The following KHDRBS2 variants were observed in gnomAD, a reference collection of about 807,000 sequenced individuals.
KHDRBS2 encodes the protein KH RNA binding domain containing, signal transduction associated 2.
Under a neutral mutation model 44.3 loss-of-function variants are expected in KHDRBS2, and 26 were observed. The ratio of observed to expected loss-of-function variants is 0.59; its 90% CI spans 0.43 to 0.81. The LOEUF (loss-of-function observed/expected upper bound fraction) is 0.81. KHDRBS2 is among the 40% of genes least tolerant of loss of function. The pLI is 0.00. For missense variants in KHDRBS2, 476 were observed against 433.1 expected, an observed-to-expected ratio of 1.10 and a Z score of -0.88; for synonymous variants, 194 against 151.1, an observed-to-expected ratio of 1.28 and a Z score of -2.08.
intron 6 of KHDRBS2, among the ~76,000 whole-genome samples, chr6:61,786,046 TAC>T (rs138367517): frequency 6.6e-6 from 1 of 151,444 alleles, no homozygotes; most frequent in Non-Finnish European, 1.5e-5. Context: ...TTCTCGTTCA[TAC>T]ACACACACAC....
chr6:62,010,277 T>C (rs1274929400), intron 3 of KHDRBS2, among the ~76,000 whole-genome samples: 4 of 152,178 alleles, frequency 2.6e-5, no homozygotes, highest in Non-Finnish European at 5.9e-5. Flanking sequence ...GTAGCACCTT[T>C]GTTTTGGCCA....
At chr6:61,895,541 A>G (rs1802787975) in intron 5 of KHDRBS2, among the ~76,000 whole-genome samples, 1 of 152,314 alleles carries the variant, frequency 6.6e-6, no homozygotes, top group African/African-American at 2.4e-5. Flanking sequence ...TATCTGTAAT[A>G]AAAATAACAG....
At chr6:62,001,760 C>T (rs1778279455) in intron 3 of KHDRBS2, among the ~76,000 whole-genome samples, 1 of 152,184 alleles carries the variant, frequency 6.6e-6, no homozygotes, top group East Asian at 1.9e-4. Flanking sequence ...ATGATACATA[C>T]AGAAGTTGAA....
chr6:61,751,917 G>C (rs1346462648), intron 6 of KHDRBS2, among the ~76,000 whole-genome samples: 2 of 149,924 alleles, frequency 1.3e-5, no homozygotes, highest in Non-Finnish European at 3.0e-5. Context: ...GTCATCACTT[G>C]CTCTTTCCTC....
At chr6:61,644,872 G>A in the KHDRBS2 span, among the ~76,000 whole-genome samples, 1 of 152,102 alleles carries the variant, frequency 6.6e-6, no homozygotes, top group Non-Finnish European at 1.5e-5. Context: ...GTGTAAATTA[G>A]TTCAACCACT....
intron 3 of KHDRBS2, among the ~76,000 whole-genome samples, chr6:62,046,098 A>G (rs1277471023): frequency 6.6e-6 from 1 of 151,910 alleles, no homozygotes; most frequent in East Asian, 1.9e-4. Context: ...GTCAAACATG[A>G]TGGATCACAC....
intron 6 of KHDRBS2, among the ~76,000 whole-genome samples, chr6:61,851,043 C>T (rs1277430065): frequency 6.6e-6 from 1 of 152,046 alleles, no homozygotes; most frequent in African/African-American, 2.4e-5. Context: ...GCTCTTCCTC[C>T]TGAACTGTAG....
the KHDRBS2 span, among the ~76,000 whole-genome samples, chr6:61,600,966 C>T: frequency 1.3e-5 from 2 of 152,166 alleles, no homozygotes; most frequent in Admixed American, 6.5e-5. Flanking sequence ...GTCATGGACT[C>T]GGGAAGACAG....
chr6:62,234,272 A>G (rs1833350914), intron 1 of KHDRBS2, among the ~76,000 whole-genome samples: 3 of 152,134 alleles, frequency 2.0e-5, no homozygotes, highest in African/African-American at 4.8e-5. Flanking sequence ...AGTTAGGGTG[A>G]CTTTGGAAAA....
chr6:61,970,866 C>T (rs1771241167), intron 4 of KHDRBS2, among the ~76,000 whole-genome samples: 1 of 152,116 alleles, frequency 6.6e-6, no homozygotes, highest in Admixed American at 6.6e-5. Flanking sequence ...GCCCTCTTCC[C>T]ACTGCTACTC....
intron 6 of KHDRBS2, among the ~76,000 whole-genome samples, chr6:61,756,971 T>C (rs984144198): frequency 2.0e-5 from 3 of 152,240 alleles, no homozygotes; most frequent in African/African-American, 7.2e-5. Context: ...CAACATAGAA[T>C]GCACATTTTT....
At chr6:61,966,120 CATAG>C (rs3076261) in intron 4 of KHDRBS2, among the ~76,000 whole-genome samples, 19,523 of 151,814 alleles carry the variant, frequency 0.13, 1,736 homozygotes, top group Non-Finnish European at 0.16. Context: ...CTATAATTGA[CATAG>C]AATTTGTTTT....
intron 7 of KHDRBS2, among the ~76,000 whole-genome samples, chr6:61,698,365 C>T (rs770460184): frequency 7.2e-5 from 11 of 152,120 alleles, no homozygotes; most frequent in Non-Finnish European, 1.2e-4. Context: ...GCAGTCTCAT[C>T]TGGTCCTAAT....
Position 62,096,143 on chromosome 6 carries a change from C to T in KHDRBS2, c.220-48149G>A, listed in dbSNP as rs147743649. 5.5e-3 allele frequency among the ~76,000 whole-genome samples: 832 copies of T among 151,938 alleles called. 3 individuals carry two copies. Among genetic ancestry groups the T allele is most frequent in the Non-Finnish European group, 9.2e-3 (624 of 67,810 alleles). ...CTAGTATTTTGGTGGGGATTTTTTG[C>T]ATCTATGTTCATCATGAATACTGGT... is the stretch of plus-strand genomic sequence containing the variant. On this transcript the variant is annotated intron_variant, in intron 2 of 8. Coordinates refer to ENST00000281156, the MANE Select transcript of KHDRBS2 (RefSeq NM_152688.4).
At chr6:61,638,363 A>G in the KHDRBS2 span, among the ~76,000 whole-genome samples, 7 of 152,114 alleles carry the variant, frequency 4.6e-5, no homozygotes, top group Admixed American at 6.6e-5. Flanking sequence ...CATATCTACA[A>G]CTATCTGATC....
chr6:61,851,283 A>ATG lies in KHDRBS2; in HGVS notation c.810+43350_810+43351dup, dbSNP rs943919275. ...GGTGTATATATATATGTGTGTGTAT[A>ATG]TGTGTGTGTGTGTATATATATGTGT... On this transcript the variant is annotated intron_variant, in intron 6 of 8. Coordinates refer to ENST00000281156, the MANE Select transcript of KHDRBS2 (RefSeq NM_152688.4). Among the ~76,000 whole-genome samples the ATG allele has an allele frequency of 4.6e-5, 7 of 151,490 alleles. No individual in the cohort carries two copies. The South Asian group carries it at 6.3e-4, about 14-fold the overall frequency.
At chr6:61,795,394 T>C (rs2127587167) in intron 6 of KHDRBS2, among the ~76,000 whole-genome samples, 1 of 152,184 alleles carries the variant, frequency 6.6e-6, no homozygotes, top group Non-Finnish European at 1.5e-5. Context: ...AATCTCCTGC[T>C]GTAAAACATT....
chr6:61,946,980 G>C (rs567082673), intron 4 of KHDRBS2, among the ~76,000 whole-genome samples: 2 of 152,048 alleles, frequency 1.3e-5, no homozygotes, highest in Non-Finnish European at 2.9e-5. Flanking sequence ...GATCTTGGGC[G>C]GGCAAATGGA....
downstream of KHDRBS2, among the ~76,000 whole-genome samples, chr6:61,677,921 C>A (rs2127536490): frequency 6.6e-6 from 1 of 152,032 alleles, no homozygotes; most frequent in East Asian, 2.0e-4. Flanking sequence ...CTCTCAGTCT[C>A]TGTCACTGCC....
Sources: gnomAD v4.1 joint callset for allele counts (sites outside exome capture counted in the v4.1 genomes callset) on GRCh38, gnomAD v4.1.1 for gene constraint, MANE v1.5 for transcripts, NCBI Gene and HGNC (gene_info 2026-07-23, HGNC 2026-07-21) for gene names.